Variants in RELCH observed in about 807,000 individuals in gnomAD.
RELCH encodes RAB11 binding and LisH domain, coiled-coil and HEAT repeat containing.
RELCH carries 41 observed loss-of-function variants against 150.3 expected under a neutral mutation model. The observed-to-expected ratio is 0.27, with a 90% confidence interval of 0.21 to 0.35. The LOEUF is 0.35. RELCH is among the 10% of genes least tolerant of loss of function. The pLI is 1.00. For synonymous variants in RELCH, 478 were observed against 531.8 expected, an observed-to-expected ratio of 0.90 and a Z score of 1.39; for missense variants, 1,092 against 1,467.8, an observed-to-expected ratio of 0.74 and a Z score of 4.18.
intron 5 of RELCH, among the ~76,000 whole-genome samples, chr18:62,224,785 A>G (rs972681064): frequency 1.3e-5 from 2 of 152,144 alleles, no homozygotes; most frequent in African/African-American, 2.4e-5. Context: ...AGAAGACCCA[A>G]TATTGTCAAG....
intron 12 of RELCH, among the ~76,000 whole-genome samples, chr18:62,254,889 C>T (rs2042916177): frequency 6.6e-6 from 1 of 152,078 alleles, no homozygotes; most frequent in Non-Finnish European, 1.5e-5. Flanking sequence ...CATCATTTTG[C>T]ATTTGCAAAC....
rs1032875437 is a variant in RELCH, at chr18:62,187,264, G to C, written c.-242G>C. ...GGCAGGGGCACGCTCCAGTTCTCGC[G>C]AGACTGGAGACCAGGAAGACGCCTG... On this transcript the variant is annotated 5_prime_UTR_variant, in exon 1 of 29. Transcript: ENST00000644646. 1.9e-4 allele frequency: 64 copies of C among 333,610 alleles called. No homozygotes were observed. The highest frequency in any genetic ancestry group is 1.3e-3 in the African/African-American group (61 of 47,168). 20.7% of individuals were successfully genotyped at this position (333,610 alleles called of 1,614,324 possible).
intron 19 of RELCH, among the ~76,000 whole-genome samples, chr18:62,267,898 A>C (rs1420692126): frequency 6.6e-6 from 1 of 151,962 alleles, no homozygotes; most frequent in East Asian, 1.9e-4. Flanking sequence ...TAATCTATGA[A>C]TATACTTTAA....
At chr18:62,298,005 C>T (rs899940099) in intron 27 of RELCH, among the ~76,000 whole-genome samples, 1 of 152,190 alleles carries the variant, frequency 6.6e-6, no homozygotes, top group African/African-American at 2.4e-5. Flanking sequence ...TAATACACTA[C>T]ATAATTTACC....
In RELCH at chr18:62,305,359, G is replaced by A; in HGVS notation, c.3531-55G>A. 1.3e-6 allele frequency: 2 copies of A among 1,503,562 alleles called. No individual in the cohort carries two copies. Among genetic ancestry groups the A allele is most frequent in the Non-Finnish European group, 1.8e-6 (2 of 1,114,028 alleles). The allele number at this position is 1,503,562 out of a possible 1,614,324, so 93.1% of individuals were successfully genotyped here. On this transcript the variant is annotated intron_variant, in intron 28 of 28. Coordinates refer to ENST00000644646, the MANE Select transcript of RELCH (RefSeq NM_001346231.2). The surrounding 1 kb of genome is among the most constrained non-coding windows in gnomAD (Gnocchi z 4.0). ...GTTAATGATATGCTACTAAATAAAT[G>A]AAAAATTTTTATTTTTTTAATTGCT...
chr18:62,210,791 G>T (rs1425675950), intron 1 of RELCH, among the ~76,000 whole-genome samples: 1 of 152,174 alleles, frequency 6.6e-6, no homozygotes, highest in Non-Finnish European at 1.5e-5. Context: ...TAATGTGTGT[G>T]TTAGGCCGTG....
intron 10 of RELCH, among the ~76,000 whole-genome samples, chr18:62,237,910 T>C (rs1424309070): frequency 6.6e-6 from 1 of 151,806 alleles, no homozygotes; most frequent in Non-Finnish European, 1.5e-5. Context: ...TAGCATTATT[T>C]GTTTTTCTTT....
At chr18:62,207,305 C>A (rs1041579385) in intron 1 of RELCH, among the ~76,000 whole-genome samples, 2 of 152,158 alleles carry the variant, frequency 1.3e-5, no homozygotes, top group South Asian at 4.1e-4. Context: ...CAGAGTTCAT[C>A]CATTGTTGTA....
chr18:62,206,738 C>G (rs1209946017), intron 1 of RELCH, among the ~76,000 whole-genome samples: 2 of 152,114 alleles, frequency 1.3e-5, no homozygotes, highest in Non-Finnish European at 2.9e-5. Flanking sequence ...AATGTCCTTC[C>G]TGCTACTTTA....
chr18:62,261,907 C>G (rs980025469), intron 16 of RELCH, among the ~76,000 whole-genome samples: 1 of 151,978 alleles, frequency 6.6e-6, no homozygotes, highest in African/African-American at 2.4e-5. Context: ...TAATCTATAG[C>G]CTTTTTATAG....
In RELCH at chr18:62,263,990, G is replaced by T; in HGVS notation, c.2352G>T (p.Val784=). ...KLHGEVPQIE[V]TRFPRPMSPL... is the part of the protein sequence containing the mutation. ...TTATTTTGCTTCTTTTATGTGTAGTGACTAGGTTTCCTCGGCCTATGTCGC... is the reference window on the plus strand; with the variant it reads ...TTATTTTGCTTCTTTTATGTGTAGTTACTAGGTTTCCTCGGCCTATGTCGC... Residue 784 remains valine, a splice_region_variant and synonymous_variant, in exon 17 of 29, where the codon GTG becomes GTT. Coordinates refer to ENST00000644646, the MANE Select transcript of RELCH (RefSeq NM_001346231.2). 1.2e-6 allele frequency: 2 copies of T among 1,606,724 alleles called. No individual in the cohort carries two copies. The highest frequency in any genetic ancestry group is 1.1e-5 in the South Asian group (1 of 90,394).
intron 22 of RELCH, 53 bp from the exon 23 acceptor site, chr18:62,279,721 T>C: frequency 8.4e-7 from 1 of 1,196,586 alleles, no homozygotes; most frequent in Admixed American, 2.0e-5. Flanking sequence ...TGGCGCACTG[T>C]GTTTGCTCTT....
chr18:62,228,254 T>C, intron 7 of RELCH, 51 bp from the exon 8 acceptor site: 1 of 1,427,422 alleles, frequency 7.0e-7, no homozygotes, highest in South Asian at 1.3e-5. Flanking sequence ...ATGCTAGTTT[T>C]CAAAAATACA....
chr18:62,238,178 T>G (rs1376659956), intron 10 of RELCH, among the ~76,000 whole-genome samples: 2 of 151,980 alleles, frequency 1.3e-5, no homozygotes, highest in African/African-American at 2.4e-5. Flanking sequence ...TAGTCTCTTT[T>G]TACTAACTTA....
At chr18:62,299,629 A>G (rs1008527620) in intron 28 of RELCH, among the ~76,000 whole-genome samples, 1 of 152,200 alleles carries the variant, frequency 6.6e-6, no homozygotes, top group Admixed American at 6.5e-5. Context: ...TCTTCTCCAT[A>G]TATATCCATT....
chr18:62,195,181 A>T (rs1341953599), intron 1 of RELCH, among the ~76,000 whole-genome samples: 2 of 152,214 alleles, frequency 1.3e-5, no homozygotes, highest in African/African-American at 4.8e-5. Context: ...AGTTTTGGAT[A>T]AATTCTTGTA....
intron 1 of RELCH, among the ~76,000 whole-genome samples, chr18:62,207,109 CA>C (rs1269658060): frequency 6.6e-6 from 1 of 152,148 alleles, no homozygotes; most frequent in South Asian, 2.1e-4. Context: ...TCATAATCCC[CA>C]AAACAAATCT....
chr18:62,265,000 A>G (rs1215212557), intron 18 of RELCH, 148 bp downstream of exon 18: 2 of 616,806 alleles, frequency 3.2e-6, no homozygotes, highest in African/African-American at 1.9e-5. Context: ...AGTAAAAAAA[A>G]GTTCTAGTTG....
At position 62,305,586 on chromosome 18, in the gene RELCH, G is replaced by T; in HGVS notation, c.*52G>T. 1 of 1,538,608 alleles carries T rather than the reference G, an allele frequency of 6.5e-7. No individual in the cohort carries two copies. ...ACTAAGATGGACCTCAAGCCGACTG[G>T]TTCCTTGTACTTGAAGTACTTGCCT... On this transcript the variant is annotated 3_prime_UTR_variant, in exon 29 of 29. Coordinates refer to ENST00000644646, the MANE Select transcript of RELCH (RefSeq NM_001346231.2). The surrounding 1 kb of genome is among the most constrained non-coding windows in gnomAD (Gnocchi z 4.0).
Sources: allele counts gnomAD v4.1 joint callset (sites outside exome capture counted in the v4.1 genomes callset), GRCh38; gene constraint gnomAD v4.1.1; non-coding constraint Gnocchi (gnomAD v3.1); transcripts MANE v1.5; gene names NCBI Gene and HGNC (gene_info 2026-07-23, HGNC 2026-07-21).